The following ECT2 variants were observed in gnomAD, a reference collection of about 807,000 sequenced individuals.
The protein encoded by ECT2 is protein ECT2.
ECT2 carries 61 observed loss-of-function variants against 116.9 expected under a neutral mutation model. The ratio of observed to expected loss-of-function variants is 0.52; its 90% CI spans 0.42 to 0.65. The LOEUF is 0.65. ECT2 is among the 30% of genes least tolerant of loss of function. The pLI, the probability that ECT2 is intolerant of heterozygous loss-of-function variation, is 0.00. For missense variants in ECT2, 937 were observed against 1,078.7 expected (o/e 0.87, Z 1.84); for synonymous variants, 358 against 346.4 (o/e 1.03, Z -0.37).
At chr3:172,808,728 G>C (rs1728202081) in intron 22 of ECT2, among the ~76,000 whole-genome samples, 2 of 152,130 alleles carry the variant, frequency 1.3e-5, no homozygotes, top group Admixed American at 1.3e-4. Context: ...TCGGTACAAT[G>C]GTACTGTAAC....
At position 172,759,195 on chromosome 3, in the gene ECT2, A is replaced by G. The variant is rs1044473968; in HGVS notation, c.576+126A>G. On this transcript the variant is annotated intron_variant, in intron 6 of 24. Transcript: ENST00000392692. ...TTGAAGGATAACTTATTATGGCTAT[A>G]CCAGATTTTAAATTTTCTGAAGAAA... is the stretch of plus-strand genomic sequence containing the variant. The G allele has an allele frequency of 6.5e-6, 4 of 617,654 alleles. No homozygotes were observed. In the African/African-American group the frequency reaches 7.6e-5, roughly 12 times the overall value. 38.3% of individuals were successfully genotyped at this position (617,654 alleles called of 1,614,324 possible).
chr3:172,783,654 G>T (rs1576938439), intron 15 of ECT2, 145 bp from the exon 16 acceptor site: 1 of 563,758 alleles, frequency 1.8e-6, no homozygotes. Context: ...TATAAAATAA[G>T]TTTGTTCTCA....
chr3:172,821,829 A>G (rs1560042089), downstream of ECT2, among the ~76,000 whole-genome samples: 1 of 151,930 alleles, frequency 6.6e-6, no homozygotes, highest in East Asian at 1.9e-4. Flanking sequence ...GACATGAGAT[A>G]AGGAATAAAG....
At chr3:172,788,326 T>G (rs1723977072) in intron 18 of ECT2, among the ~76,000 whole-genome samples, 1 of 152,214 alleles carries the variant, frequency 6.6e-6, no homozygotes, top group Non-Finnish European at 1.5e-5. Flanking sequence ...ATGCTTAGAT[T>G]TTCAATATTA....
intron 7 of ECT2, among the ~76,000 whole-genome samples, chr3:172,760,712 CTTTTTTT>C (rs60727631): frequency 1.6e-4 from 12 of 76,212 alleles, no homozygotes; most frequent in South Asian, 9.1e-4. Context: ...GTCTAAGTGC[CTTTTTTT>C]TTTTTTTTTT....
At chr3:172,774,288 C>T (rs1721238502) in intron 14 of ECT2, among the ~76,000 whole-genome samples, 1 of 152,168 alleles carries the variant, frequency 6.6e-6, no homozygotes, top group Non-Finnish European at 1.5e-5. Flanking sequence ...ACCTCTGCCA[C>T]CTGGGCTCAA....
intron 17 of ECT2, 102 bp downstream of exon 17, chr3:172,784,905 A>G: frequency 1.4e-6 from 1 of 735,012 alleles, no homozygotes; most frequent in East Asian, 2.7e-5. Context: ...CTTAGATTTC[A>G]GCATTAAAGT....
chr3:172,773,251 TTAAG>T (rs1369717052), intron 13 of ECT2, among the ~76,000 whole-genome samples: 2 of 152,158 alleles, frequency 1.3e-5, no homozygotes, highest in African/African-American at 2.4e-5. Context: ...ATATTTATAC[TTAAG>T]TATTTTATTT....
intron 9 of ECT2, 56 bp downstream of exon 9, chr3:172,762,602 A>G: frequency 1.9e-6 from 3 of 1,575,450 alleles, no homozygotes; most frequent in South Asian, 2.4e-5. Flanking sequence ...GGCCTGCTTA[A>G]TCACTTCCTG....
At chr3:172,828,693 C>T in the ECT2 span, 5 of 405,158 alleles carry the variant, frequency 1.2e-5, no homozygotes, top group African/African-American at 4.2e-5. Context: ...GGCATGGAGT[C>T]GCAGCAGCAG....
the ECT2 span, among the ~76,000 whole-genome samples, chr3:172,826,983 G>A: frequency 6.6e-6 from 1 of 152,128 alleles, no homozygotes; most frequent in East Asian, 1.9e-4. Context: ...TGAAAGATTT[G>A]AATAGACGTG....
chr3:172,794,861 C>A (rs1379689194), intron 18 of ECT2, among the ~76,000 whole-genome samples: 1 of 151,858 alleles, frequency 6.6e-6, no homozygotes, highest in Non-Finnish European at 1.5e-5. Flanking sequence ...ACTACAGGTG[C>A]GCACCATCAC....
chr3:172,773,385 G>T (rs1721016147), intron 13 of ECT2, among the ~76,000 whole-genome samples: 1 of 151,990 alleles, frequency 6.6e-6, no homozygotes, highest in South Asian at 2.1e-4. Context: ...TTATGGCCTT[G>T]CCAAACTCAT....
At chr3:172,827,593 ATAGAG>A in the ECT2 span, among the ~76,000 whole-genome samples, 7 of 152,170 alleles carry the variant, frequency 4.6e-5, no homozygotes, top group Non-Finnish European at 8.8e-5. Flanking sequence ...ACACATGGAG[ATAGAG>A]TAGAGTGACG....
intron 16 of ECT2, among the ~76,000 whole-genome samples, chr3:172,784,436 A>C (rs185611032): frequency 6.6e-6 from 1 of 152,148 alleles, no homozygotes; most frequent in East Asian, 1.9e-4. Context: ...TTTCTTGTGA[A>C]TAATGTAGAC....
rs1481999684 is a variant in ECT2 at position 172,773,097 on chromosome 3, G to A, written c.1429-806G>A. Among the ~76,000 whole-genome samples, 3 of 152,044 alleles carry A rather than the reference G, an allele frequency of 2.0e-5. No individual in the cohort carries two copies. The East Asian group carries it at 5.8e-4, about 29-fold the overall frequency. On this transcript the variant is annotated intron_variant, in intron 13 of 24. Transcript: ENST00000392692. ...GCCAGAAGCCCTGGAACTTTGATTG[G>A]CACTAAATTTATAAATCAATTTGAG...
intron 14 of ECT2, among the ~76,000 whole-genome samples, chr3:172,781,083 TGTG>T (rs905220646): frequency 2.9e-4 from 44 of 152,316 alleles, no homozygotes; most frequent in African/African-American, 9.4e-4. Context: ...TTGTTTTGCT[TGTG>T]GTGAGGGTTT....
chr3:172,802,483 CT>C lies in ECT2; in HGVS notation c.1908-129del, dbSNP rs1168362277. 5 of 577,876 alleles carry C rather than the reference CT, an allele frequency of 8.7e-6. No individual in the cohort carries two copies. The African/African-American group carries it at 9.8e-5, about 11-fold the overall frequency. The allele number at this position is 577,876 out of a possible 1,614,324, so 35.8% of individuals were successfully genotyped here. ...GAAACCTTTTTAATGTAATGGGATA[CT>C]TTTAAGGAATATTTTAACTGATTCA... On this transcript the variant is annotated intron_variant, in intron 18 of 24. Transcript: ENST00000392692.
chr3:172,800,616 A>G (rs938667296), intron 18 of ECT2, among the ~76,000 whole-genome samples: 6 of 152,206 alleles, frequency 3.9e-5, no homozygotes, highest in South Asian at 2.1e-4. Context: ...GCTATCTTCA[A>G]TTTTACTAAG....
Sources: allele counts gnomAD v4.1 joint callset (sites outside exome capture counted in the v4.1 genomes callset), GRCh38; gene constraint gnomAD v4.1.1; transcripts MANE v1.5; gene names NCBI Gene and HGNC (gene_info 2026-07-23, HGNC 2026-07-21).